The following RGPD2 variants were observed in gnomAD, a reference collection of about 807,000 sequenced individuals.
RGPD2 encodes the protein RANBP2 like and GRIP domain containing 2, also known as RANBP2-like and GRIP domain-containing protein 2.
A neutral mutation model predicts 36.0 loss-of-function variants in RGPD2; 2 were observed. That is an observed-to-expected ratio of 0.06 (90% confidence interval 0.02 to 0.17). The LOEUF is 0.17. RGPD2 is among the 10% of genes least tolerant of loss of function. The pLI is 1.00. For missense variants in RGPD2, 40 were observed against 464.3 expected (o/e 0.09, Z 8.40); for synonymous variants, 19 against 163.8 (o/e 0.12, Z 6.75).
the RGPD2 span, among the ~76,000 whole-genome samples, chr2:87,951,462 G>C: frequency 6.6e-6 from 1 of 152,172 alleles, no homozygotes. Context: ...TTGAGTAAGA[G>C]ATGGAACAAA....
At chr2:87,857,347 T>C in the RGPD2 span, among the ~76,000 whole-genome samples, 1 of 152,080 alleles carries the variant, frequency 6.6e-6, no homozygotes, top group African/African-American at 2.4e-5. Flanking sequence ...AATATTTGTA[T>C]ACTTTTTTTT....
chr2:87,967,251 CA>C, the RGPD2 span, among the ~76,000 whole-genome samples: 1 of 142,976 alleles, frequency 7.0e-6, no homozygotes, highest in Non-Finnish European at 1.5e-5. Flanking sequence ...ACTAAAAATA[CA>C]AAAAAATTAG....
the RGPD2 span, among the ~76,000 whole-genome samples, chr2:87,964,497 A>G: frequency 7.2e-5 from 11 of 152,296 alleles, no homozygotes; most frequent in African/African-American, 2.4e-4. Context: ...TGACAAATTG[A>G]AAGTTTATGC....
chr2:87,780,477 G>GT (rs1206090217), intron 20 of RGPD2, among the ~76,000 whole-genome samples: 33 of 150,188 alleles, frequency 2.2e-4, no homozygotes, highest in African/African-American at 8.1e-4. Context: ...CTCAAAGACC[G>GT]TATCTTTAAA....
intron 1 of RGPD2, chr2:87,824,880 C>CCGGCCAGGCCGAGGCCGAGGCCGAG (rs1686631392): frequency 6.6e-6 from 1 of 151,156 alleles, no homozygotes; most frequent in Non-Finnish European, 1.3e-5. Flanking sequence ...CCGCCGCCGC[C>CCGGCCAGGCCGAGGCCGAGGCCGAG]GCCGCCGCAC....
At chr2:87,824,689 G>T (rs1368013340) in intron 1 of RGPD2, among the ~76,000 whole-genome samples, 1 of 132,154 alleles carries the variant, frequency 7.6e-6, no homozygotes. Context: ...GACTCTAAGT[G>T]TAAGAGAGGT....
the RGPD2 span, among the ~76,000 whole-genome samples, chr2:87,846,044 T>C: frequency 1.3e-5 from 2 of 151,416 alleles, no homozygotes; most frequent in Non-Finnish European, 3.0e-5. Flanking sequence ...TTATACATTT[T>C]ATAAACAGTA....
At chr2:87,853,358 G>A in the RGPD2 span, among the ~76,000 whole-genome samples, 5 of 152,242 alleles carry the variant, frequency 3.3e-5, no homozygotes, top group African/African-American at 1.2e-4. Flanking sequence ...GAGTAACTAG[G>A]ACTACCTGTG....
the RGPD2 span, among the ~76,000 whole-genome samples, chr2:87,917,860 C>T: frequency 9.7e-5 from 12 of 123,782 alleles, no homozygotes; most frequent in South Asian, 2.8e-3. Flanking sequence ...CTCTATTAAC[C>T]TTACAAGTCC....
At chr2:87,849,411 A>G in the RGPD2 span, among the ~76,000 whole-genome samples, 4 of 152,172 alleles carry the variant, frequency 2.6e-5, no homozygotes, top group African/African-American at 9.7e-5. Context: ...TATAATTACT[A>G]CTCACTCCAG....
chr2:87,979,312 T>TA, the RGPD2 span, among the ~76,000 whole-genome samples: 6,614 of 46,282 alleles, frequency 0.14, 438 homozygotes, highest in Non-Finnish European at 0.2. Context: ...ATTCATGACT[T>TA]AAAAAAAAAA....
chr2:87,834,836 C>T, the RGPD2 span, among the ~76,000 whole-genome samples: 1 of 151,560 alleles, frequency 6.6e-6, no homozygotes, highest in Non-Finnish European at 1.5e-5. Context: ...GGATTTGAAA[C>T]TTATAAGAAG....
At chr2:87,858,178 T>A in the RGPD2 span, among the ~76,000 whole-genome samples, 2 of 152,074 alleles carry the variant, frequency 1.3e-5, no homozygotes, top group African/African-American at 4.8e-5. Flanking sequence ...CTTGGGAGGC[T>A]GAGGCAGGAG....
At chr2:87,827,321 G>A (rs1686845011), upstream of RGPD2, among the ~76,000 whole-genome samples, 2 of 152,380 alleles carry the variant, frequency 1.3e-5, no homozygotes, top group South Asian at 2.1e-4. Context: ...ATATCTTATT[G>A]TATGGCAGAA....
chr2:87,947,683 T>A, the RGPD2 span, among the ~76,000 whole-genome samples: 2 of 151,850 alleles, frequency 1.3e-5, no homozygotes, highest in Non-Finnish European at 2.9e-5. Context: ...ATGCTCCCAA[T>A]TCCAATTCCT....
rs1389037912 is a variant in RGPD2, at chr2:87,823,892, TAA to T, written c.72+1764_72+1765del. On this transcript the variant is annotated intron_variant, in intron 1 of 22. Coordinates refer to ENST00000398146, the MANE Select transcript of RGPD2 (RefSeq NM_001078170.3). ...ATTCTAAAAAACAAATAAATAAAAA[TAA>T]GAGCTGTCAAGTAGAGTTTGAGAAG... is the stretch of plus-strand genomic sequence containing the variant. Among the ~76,000 whole-genome samples, 17 of 127,490 alleles carry T rather than the reference TAA, an allele frequency of 1.3e-4. No homozygotes were observed. The East Asian group carries it at 2.7e-3, about 20-fold the overall frequency. 83.6% of individuals were successfully genotyped at this position (127,490 alleles called of 152,430 possible).
the RGPD2 span, among the ~76,000 whole-genome samples, chr2:87,903,400 G>T: frequency 6.6e-6 from 1 of 152,216 alleles, no homozygotes; most frequent in African/African-American, 2.4e-5. Context: ...CGCTAAATTA[G>T]ATTAACAGTT....
At chr2:87,924,428 G>A in the RGPD2 span, among the ~76,000 whole-genome samples, 1 of 149,652 alleles carries the variant, frequency 6.7e-6, no homozygotes, top group Non-Finnish European at 1.5e-5. Flanking sequence ...CGAGCAGTGA[G>A]GATTCTCAGC....
At chr2:87,882,083 T>TA in the RGPD2 span, among the ~76,000 whole-genome samples, 1 of 152,256 alleles carries the variant, frequency 6.6e-6, no homozygotes, top group African/African-American at 2.4e-5. Flanking sequence ...ATGAGGGATC[T>TA]ATCTCCATGA....
Sources: gnomAD v4.1 joint callset for allele counts (sites outside exome capture counted in the v4.1 genomes callset) on GRCh38, gnomAD v4.1.1 for gene constraint, MANE v1.5 for transcripts, NCBI Gene and HGNC (gene_info 2026-07-23, HGNC 2026-07-21) for gene names.